Variants in NRXN3 observed in about 807,000 individuals in gnomAD.
The protein encoded by NRXN3 is neurexin 3.
In NRXN3, 32 loss-of-function variants were observed where a neutral mutation model predicts 137.6. The observed-to-expected ratio is 0.23, with a 90% CI of 0.18 to 0.31. The LOEUF (loss-of-function observed/expected upper bound fraction) is 0.31. NRXN3 is among the 10% of genes least tolerant of loss of function. The probability of loss-of-function intolerance (pLI) is 1.00; values close to 1 mark genes in which losing one functional copy is unlikely to be tolerated. For synonymous variants in NRXN3, 798 were observed against 784.5 expected (o/e 1.02, Z -0.29); for missense variants, 1,574 against 2,062.5 (o/e 0.76, Z 4.59).
At chr14:79,763,463 G>A (rs967709758) in intron 19 of NRXN3, among the ~76,000 whole-genome samples, 3 of 84,202 alleles carry the variant, frequency 3.6e-5, no homozygotes, top group African/African-American at 1.2e-4. Flanking sequence ...TTAAGGACAG[G>A]TTGCATAAAA....
At chr14:79,667,041 T>A (rs1416362497) in intron 17 of NRXN3, among the ~76,000 whole-genome samples, 1 of 152,002 alleles carries the variant, frequency 6.6e-6, no homozygotes, top group Non-Finnish European at 1.5e-5. Flanking sequence ...CCTCTCTGCT[T>A]CCCTGTGCTA....
At chr14:78,883,422 G>A (rs2099134907) in intron 10 of NRXN3, among the ~76,000 whole-genome samples, 1 of 152,170 alleles carries the variant, frequency 6.6e-6, no homozygotes, top group South Asian at 2.1e-4. Context: ...AGCTGGAAGT[G>A]GAACAGGAGG....
intron 15 of NRXN3, among the ~76,000 whole-genome samples, chr14:79,449,471 G>A (rs1479469136): frequency 6.6e-6 from 1 of 152,130 alleles, no homozygotes; most frequent in African/African-American, 2.4e-5. Context: ...TCATTTTTTA[G>A]GGAGTATAGA....
intron 4 of NRXN3, among the ~76,000 whole-genome samples, chr14:78,457,891 C>A (rs1306248714): frequency 6.6e-6 from 1 of 152,076 alleles, no homozygotes; most frequent in Non-Finnish European, 1.5e-5. Context: ...AATCCTGATG[C>A]CCATGGGTGA....
chr14:79,212,139 G>A (rs899866031), intron 15 of NRXN3, among the ~76,000 whole-genome samples: 4 of 152,120 alleles, frequency 2.6e-5, no homozygotes, highest in African/African-American at 9.7e-5. Flanking sequence ...TGTTACTATT[G>A]TCTCAGCAGC....
intron 16 of NRXN3, among the ~76,000 whole-genome samples, chr14:79,494,380 G>A (rs904139639): frequency 1.3e-5 from 2 of 152,174 alleles, no homozygotes; most frequent in Non-Finnish European, 2.9e-5. Flanking sequence ...TTTCTATTAC[G>A]TGAAAATTTC....
chr14:78,588,017 T>A (rs1036210989), intron 4 of NRXN3, among the ~76,000 whole-genome samples: 15 of 152,354 alleles, frequency 9.8e-5, no homozygotes, highest in Admixed American at 5.9e-4. Context: ...TGATTAATAA[T>A]GTACTCAAAG....
chr14:79,127,317 T>A (rs2056691811), intron 15 of NRXN3, among the ~76,000 whole-genome samples: 2 of 152,168 alleles, frequency 1.3e-5, no homozygotes, highest in Non-Finnish European at 2.9e-5. Flanking sequence ...AGTTCTAACG[T>A]TTAAGTCTTT....
chr14:79,499,991 GTT>G (rs1555488951), intron 16 of NRXN3, among the ~76,000 whole-genome samples: 3 of 143,068 alleles, frequency 2.1e-5, no homozygotes, highest in African/African-American at 7.5e-5. Context: ...GTGTGTGTGT[GTT>G]AAAGGACGAA....
intron 4 of NRXN3, among the ~76,000 whole-genome samples, chr14:78,325,229 G>A (rs1055221063): frequency 1.3e-5 from 2 of 152,016 alleles, no homozygotes; most frequent in Non-Finnish European, 2.9e-5. Context: ...CGTGAGGAAT[G>A]GACAGGGGTT....
intron 10 of NRXN3, among the ~76,000 whole-genome samples, chr14:78,872,131 C>A (rs528753131): frequency 6.6e-6 from 1 of 151,514 alleles, no homozygotes; most frequent in Admixed American, 6.6e-5. Flanking sequence ...ATTTTGATGT[C>A]TTTACATTCA....
At chr14:78,606,303 C>T (rs971979887) in intron 4 of NRXN3, among the ~76,000 whole-genome samples, 6 of 152,164 alleles carry the variant, frequency 3.9e-5, no homozygotes, top group African/African-American at 1.4e-4. Context: ...CAAGGCCATG[C>T]CCTCATCTGA....
At chr14:78,966,924 T>C (rs1482401069) in intron 12 of NRXN3, among the ~76,000 whole-genome samples, 2 of 152,222 alleles carry the variant, frequency 1.3e-5, no homozygotes, top group African/African-American at 4.8e-5. Context: ...AATTTAAAAG[T>C]CACCCCCTTA....
intron 1 of NRXN3, among the ~76,000 whole-genome samples, chr14:78,238,138 A>G (rs931246013): frequency 1.1e-4 from 9 of 78,848 alleles, no homozygotes; most frequent in Non-Finnish European, 1.6e-4. Flanking sequence ...GAGTTGTGTG[A>G]GCCCCCCCCA....
At chr14:78,275,603 T>G (rs1480136626) in intron 2 of NRXN3, among the ~76,000 whole-genome samples, 4 of 152,202 alleles carry the variant, frequency 2.6e-5, no homozygotes, top group Non-Finnish European at 5.9e-5. Flanking sequence ...GCACCCCATT[T>G]CCTGATAATT....
intron 9 of NRXN3, among the ~76,000 whole-genome samples, chr14:78,809,331 TGA>T (rs538670803): frequency 3.3e-4 from 8 of 24,146 alleles, no homozygotes; most frequent in Non-Finnish European, 3.2e-3. Flanking sequence ...AATCACAGAG[TGA>T]AAAATACTCA....
intron 15 of NRXN3, among the ~76,000 whole-genome samples, chr14:79,445,472 C>T (rs902716642): frequency 6.6e-6 from 1 of 152,172 alleles, no homozygotes; most frequent in Non-Finnish European, 1.5e-5. Flanking sequence ...CATCAATTCT[C>T]ATGGACTTGC....
chr14:78,693,831 A>G (rs2098198597), intron 6 of NRXN3, among the ~76,000 whole-genome samples: 1 of 151,760 alleles, frequency 6.6e-6, no homozygotes, highest in South Asian at 2.1e-4. Flanking sequence ...TTTAGGATCA[A>G]GTTAAAACTT....
chr14:79,504,655 G>GATA (rs2096857663), intron 16 of NRXN3, among the ~76,000 whole-genome samples: 1 of 104,220 alleles, frequency 9.6e-6, no homozygotes, highest in African/African-American at 3.4e-5. Flanking sequence ...ATATATATAT[G>GATA]TATATATATA....
Sources: gnomAD v4.1 joint callset for allele counts (sites outside exome capture counted in the v4.1 genomes callset) on GRCh38, gnomAD v4.1.1 for gene constraint, MANE v1.5 for transcripts, NCBI Gene and HGNC (gene_info 2026-07-23, HGNC 2026-07-21) for gene names.